The following NEK4 variants were observed in gnomAD, a reference collection of about 807,000 sequenced individuals.
The protein encoded by NEK4 is NIMA related kinase 4.
In NEK4, 86 loss-of-function variants were observed where a neutral mutation model predicts 98.4. That is an observed-to-expected ratio of 0.87 (90% CI 0.73 to 1.05). The LOEUF (loss-of-function observed/expected upper bound fraction) is 1.05, where lower values mean the gene tolerates loss of function less well. Among genes scored for constraint, NEK4 ranks in the 50% least tolerant of loss-of-function variants. The probability of loss-of-function intolerance (pLI) is 0.00; values close to 1 mark genes in which losing one functional copy is unlikely to be tolerated. For missense variants in NEK4, 898 were observed against 950.3 expected (o/e 0.94, Z 0.72); for synonymous variants, 328 against 342.2 (o/e 0.96, Z 0.46).
intron 6 of NEK4, among the ~76,000 whole-genome samples, chr3:52,757,508 C>T (rs899322258): frequency 1.3e-5 from 2 of 148,326 alleles, no homozygotes; most frequent in Admixed American, 6.8e-5. Context: ...CAGTGAGCCA[C>T]GATTGTGCCA....
chr3:52,746,245 T>C (rs758696263), intron 9 of NEK4, 35 bp from the exon 10 acceptor site: 5 of 1,595,164 alleles, frequency 3.1e-6, no homozygotes, highest in Admixed American at 3.4e-5. Flanking sequence ...ATCAGTTTCA[T>C]ATATAGCCCC....
intron 15 of NEK4, among the ~76,000 whole-genome samples, chr3:52,724,238 C>A (rs1578626561): frequency 7.4e-6 from 1 of 134,612 alleles, no homozygotes; most frequent in South Asian, 2.2e-4. Context: ...TTAAAACACA[C>A]ACACACACAC....
chr3:52,729,103 C>T (rs543603910), intron 15 of NEK4, among the ~76,000 whole-genome samples: 1 of 152,150 alleles, frequency 6.6e-6, no homozygotes, highest in Admixed American at 6.5e-5. Context: ...ATTTGTTCTG[C>T]CTTTTGCCCT....
intron 4 of NEK4, among the ~76,000 whole-genome samples, chr3:52,765,283 A>T (rs1698511730): frequency 6.6e-6 from 1 of 151,038 alleles, no homozygotes; most frequent in African/African-American, 2.4e-5. Context: ...CCTAGGAGGT[A>T]GAGGTTGCTG....
At chr3:52,736,152 T>C (rs1281835380) in intron 15 of NEK4, among the ~76,000 whole-genome samples, 1 of 152,230 alleles carries the variant, frequency 6.6e-6, no homozygotes, top group Non-Finnish European at 1.5e-5. Context: ...TAAAAATCTG[T>C]CCTGTTTTTT....
At chr3:52,746,961 C>A in intron 8 of NEK4, 57 bp from the exon 9 acceptor site, 2 of 1,342,748 alleles carry the variant, frequency 1.5e-6, no homozygotes, top group Non-Finnish European at 2.1e-6. Flanking sequence ...ACATTGTAAT[C>A]CAAAGTAAGT....
At chr3:52,732,733 C>G in intron 15 of NEK4, 2 of 286,772 alleles carry the variant, frequency 7.0e-6, no homozygotes, top group Middle Eastern at 8.9e-4. Context: ...TCTTCCTGAC[C>G]TGAGCATTAT....
At chr3:52,748,171 G>A (rs2097399601) in intron 8 of NEK4, among the ~76,000 whole-genome samples, 2 of 150,446 alleles carry the variant, frequency 1.3e-5, no homozygotes, top group Admixed American at 6.7e-5. Flanking sequence ...GTTTCACTGT[G>A]TTAGCCAGGA....
chr3:52,723,505 G>A (rs1429410670), intron 15 of NEK4, among the ~76,000 whole-genome samples: 3 of 152,120 alleles, frequency 2.0e-5, no homozygotes, highest in Non-Finnish European at 4.4e-5. Context: ...GCCTCCCAAA[G>A]TGCTGGGATT....
intron 15 of NEK4, chr3:52,734,962 G>T: frequency 5.0e-6 from 1 of 198,140 alleles, no homozygotes. Flanking sequence ...AGAGGATTTG[G>T]CCCTGTGTAT....
At chr3:52,736,863 T>G (rs2097376810) in intron 15 of NEK4, among the ~76,000 whole-genome samples, 2 of 152,222 alleles carry the variant, frequency 1.3e-5, no homozygotes, top group South Asian at 4.1e-4. Context: ...TGATTCACAT[T>G]TAACTGCTGG....
intron 6 of NEK4, among the ~76,000 whole-genome samples, chr3:52,754,866 G>A (rs2097412020): frequency 6.6e-6 from 1 of 152,066 alleles, no homozygotes; most frequent in African/African-American, 2.4e-5. Context: ...GAGGTCAGGA[G>A]ATCCAGAACA....
Position 52,739,607 on chromosome 3 carries a change from G to C in NEK4, c.2121C>G (p.Ala707=). The change falls in exon 14 of 16, where the codon GCC becomes GCG. Residue 707 remains alanine, a synonymous_variant. Transcript: ENST00000233027. ...EGKGQTNEIN[A]LVQLMTQTLK... is the part of the protein sequence containing the mutation. The stretch of plus-strand genomic sequence containing the variant: ...GGGTCTGAGTCATCAATTGTACCAA[G>C]GCATTAATTTCATTTGTCTGACCTT... The C allele has an allele frequency of 6.2e-7, 1 of 1,613,852 alleles. No individual in the cohort carries two copies. The highest frequency in any genetic ancestry group is 8.5e-7 in the Non-Finnish European group (1 of 1,179,896).
chr3:52,741,017 GA>G (rs1168820932), intron 13 of NEK4, among the ~76,000 whole-genome samples: 1 of 151,544 alleles, frequency 6.6e-6, no homozygotes, highest in Non-Finnish European at 1.5e-5. Context: ...GGCAGATCAC[GA>G]GGTCAGGAGA....
intron 15 of NEK4, among the ~76,000 whole-genome samples, chr3:52,725,249 C>T (rs1037343667): frequency 7.2e-5 from 11 of 152,162 alleles, no homozygotes; most frequent in African/African-American, 2.7e-4. Flanking sequence ...CTGCGGCTCA[C>T]GCCTGTAATC....
chr3:52,727,103 T>C (rs2097365313), intron 15 of NEK4, among the ~76,000 whole-genome samples: 2 of 151,886 alleles, frequency 1.3e-5, no homozygotes, highest in African/African-American at 4.8e-5. Flanking sequence ...GCCTCTCTGG[T>C]AGCTGAGATT....
chr3:52,713,923 G>A (rs2097352763), intron 15 of NEK4, among the ~76,000 whole-genome samples: 1 of 151,978 alleles, frequency 6.6e-6, no homozygotes, highest in African/African-American at 2.4e-5. Context: ...ACACCATAAG[G>A]AGCTCTGTAA....
At chr3:52,756,150 T>A (rs2097414758) in intron 6 of NEK4, among the ~76,000 whole-genome samples, 1 of 152,168 alleles carries the variant, frequency 6.6e-6, no homozygotes, top group African/African-American at 2.4e-5. Context: ...AAAAGCTTAA[T>A]ATTGTCAATA....
At chr3:52,722,973 G>A (rs1185692188) in intron 15 of NEK4, among the ~76,000 whole-genome samples, 1 of 152,170 alleles carries the variant, frequency 6.6e-6, no homozygotes, top group Non-Finnish European at 1.5e-5. Flanking sequence ...GGAAGTCAAG[G>A]CAGGAGGATT....
Sources: gnomAD v4.1 joint callset for allele counts (sites outside exome capture counted in the v4.1 genomes callset) on GRCh38, gnomAD v4.1.1 for gene constraint, MANE v1.5 for transcripts, NCBI Gene and HGNC (gene_info 2026-07-23, HGNC 2026-07-21) for gene names.